Variants in USH2A observed in about 807,000 individuals in gnomAD.
USH2A encodes Usher syndrome 2A (autosomal recessive, mild).
USH2A carries 443 observed loss-of-function variants against 538.9 expected under a neutral mutation model. The ratio of observed to expected loss-of-function variants is 0.82; its 90% CI spans 0.76 to 0.89. The LOEUF is 0.89. Ranked by LOEUF, USH2A falls within the 40% of genes least tolerant of loss-of-function variation. USH2A has a pLI of 0.00. For missense variants in USH2A, 6,633 were observed against 6,324.8 expected, an observed-to-expected ratio of 1.05 and a Z score of -1.65; for synonymous variants, 2,413 against 2,273.5, an observed-to-expected ratio of 1.06 and a Z score of -1.75.
intron 3 of USH2A, among the ~76,000 whole-genome samples, chr1:216,409,784 T>A (rs1390720825): frequency 6.6e-6 from 1 of 151,812 alleles, no homozygotes; most frequent in East Asian, 1.9e-4. Context: ...TGAAAGACAA[T>A]CTAGGCAATA....
At chr1:216,159,977 T>C (rs896024931) in intron 21 of USH2A, among the ~76,000 whole-genome samples, 31 of 152,126 alleles carry the variant, frequency 2.0e-4, no homozygotes, top group Non-Finnish European at 2.9e-5. Flanking sequence ...ATTATTATTT[T>C]TTTTAATGTC....
chr1:216,056,816 T>C (rs1275651171), intron 30 of USH2A, among the ~76,000 whole-genome samples: 3 of 151,564 alleles, frequency 2.0e-5, no homozygotes, highest in Non-Finnish European at 2.9e-5. Context: ...GAGAGAGAGA[T>C]TGGGTTCAAT....
chr1:216,035,339 C>T (rs1669224543), intron 32 of USH2A, among the ~76,000 whole-genome samples: 2 of 152,056 alleles, frequency 1.3e-5, no homozygotes, highest in African/African-American at 4.8e-5. Flanking sequence ...ACAGGGAAAA[C>T]ATTATGTGAA....
At chr1:216,407,702 T>C (rs1374936685) in intron 3 of USH2A, among the ~76,000 whole-genome samples, 1 of 152,186 alleles carries the variant, frequency 6.6e-6, no homozygotes, top group African/African-American at 2.4e-5. Flanking sequence ...ATTGTTCATG[T>C]ATAACTGAAG....
intron 15 of USH2A, among the ~76,000 whole-genome samples, chr1:216,213,298 A>T (rs908855013): frequency 6.6e-6 from 1 of 152,118 alleles, no homozygotes; most frequent in Non-Finnish European, 1.5e-5. Flanking sequence ...AGTAAAGAAA[A>T]TCAACTTTCT....
intron 44 of USH2A, among the ~76,000 whole-genome samples, chr1:215,858,302 T>C (rs541569030): frequency 6.6e-6 from 1 of 152,080 alleles, no homozygotes; most frequent in East Asian, 1.9e-4. Context: ...TTAGGTCCCA[T>C]GTCCCCACCC....
At chr1:215,627,854 G>A (rs939773192) in intron 71 of USH2A, among the ~76,000 whole-genome samples, 2 of 152,178 alleles carry the variant, frequency 1.3e-5, no homozygotes, top group Non-Finnish European at 2.9e-5. Flanking sequence ...AACAGGCCCA[G>A]TGGAATGGTA....
At chr1:215,731,291 A>T (rs1371715926) in intron 60 of USH2A, among the ~76,000 whole-genome samples, 1 of 152,228 alleles carries the variant, frequency 6.6e-6, no homozygotes, top group African/African-American at 2.4e-5. Flanking sequence ...TGAATCCTTG[A>T]AAAATTAATA....
At chr1:216,236,605 C>T (rs2035822486) in intron 13 of USH2A, among the ~76,000 whole-genome samples, 1 of 152,042 alleles carries the variant, frequency 6.6e-6, no homozygotes, top group African/African-American at 2.4e-5. Flanking sequence ...ATGAGATGAT[C>T]CCTTTAACAC....
chr1:215,636,466 C>G (rs868157445), intron 69 of USH2A, among the ~76,000 whole-genome samples: 1 of 152,204 alleles, frequency 6.6e-6, no homozygotes, highest in Non-Finnish European at 1.5e-5. Context: ...TCCAGCAGGT[C>G]GAAATTCCCC....
At chr1:216,288,892 C>T (rs907120129) in intron 11 of USH2A, among the ~76,000 whole-genome samples, 14 of 151,962 alleles carry the variant, frequency 9.2e-5, no homozygotes, top group African/African-American at 3.4e-4. Context: ...TCCATTTGGC[C>T]CTAAGTGTAA....
At chr1:215,632,788 A>G (rs1180048278) in intron 70 of USH2A, among the ~76,000 whole-genome samples, 2 of 152,192 alleles carry the variant, frequency 1.3e-5, no homozygotes, top group African/African-American at 2.4e-5. Flanking sequence ...TGGGCTCCTT[A>G]AAGAAAGTTA....
intron 9 of USH2A, among the ~76,000 whole-genome samples, chr1:216,292,917 A>T (rs1410827190): frequency 2.6e-5 from 4 of 152,190 alleles, no homozygotes; most frequent in Admixed American, 2.0e-4. Context: ...AACATTAAAA[A>T]CTTGGAGAAG....
At chr1:216,043,502 G>A (rs1370863475) in intron 32 of USH2A, among the ~76,000 whole-genome samples, 3 of 152,010 alleles carry the variant, frequency 2.0e-5, no homozygotes, top group Admixed American at 6.6e-5. Flanking sequence ...AACCATTGAA[G>A]AATCAATCTA....
intron 26 of USH2A, among the ~76,000 whole-genome samples, chr1:216,079,545 G>A (rs2031861811): frequency 6.6e-6 from 1 of 152,118 alleles, no homozygotes; most frequent in African/African-American, 2.4e-5. Flanking sequence ...AAGACAAAGG[G>A]TACATATGGA....
chr1:216,122,459 C>A (rs947529507), intron 21 of USH2A, among the ~76,000 whole-genome samples: 1 of 152,152 alleles, frequency 6.6e-6, no homozygotes, highest in South Asian at 2.1e-4. Flanking sequence ...TAATAGAAAT[C>A]TAGAGTCCAA....
chr1:216,233,728 G>T (rs1406493969), intron 13 of USH2A, among the ~76,000 whole-genome samples: 1 of 152,068 alleles, frequency 6.6e-6, no homozygotes, highest in East Asian at 1.9e-4. Flanking sequence ...TGATTCAAAA[G>T]TTTATTCAAA....
chr1:215,882,057 A>G (rs138163798), intron 41 of USH2A, among the ~76,000 whole-genome samples: 61 of 152,350 alleles, frequency 4.0e-4, no homozygotes, highest in Non-Finnish European at 7.2e-4. Context: ...CAACTTCCTC[A>G]CTTCTTTAAC....
rs1662221668 is a variant in USH2A, at chr1:215,798,981, C to A, written c.9884G>T (p.Cys3295Phe). The change falls in exon 50 of 72, where the codon TGT becomes TTT. Residue 3295 changes from cysteine to phenylalanine, a missense_variant. Physicochemically the swap from Cys to Phe is radical, Grantham distance 205. Transcript: ENST00000307340. ...RLHDGHGQKC[C>F]GRQIVSNDLE... ...ATCGTTGCTCACAATCTGTCTGCCA[C>A]AGCACTTCTGGCCATGGCCATCATG... is the stretch of plus-strand genomic sequence containing the variant. The A allele has an allele frequency of 6.2e-7, 1 of 1,614,036 alleles. No individual in the cohort carries two copies. Among genetic ancestry groups the A allele is most frequent in the Non-Finnish European group, 8.5e-7 (1 of 1,180,016 alleles).
Sources: gnomAD v4.1 joint callset for allele counts (sites outside exome capture counted in the v4.1 genomes callset) on GRCh38, gnomAD v4.1.1 for gene constraint, MANE v1.5 for transcripts, NCBI Gene and HGNC (gene_info 2026-07-23, HGNC 2026-07-21) for gene names.